The following PCDHA7 variants were observed in gnomAD, a reference collection of about 807,000 sequenced individuals.
The protein encoded by PCDHA7 is protocadherin alpha 7, also known as protocadherin alpha-7.
PCDHA7 carries 37 observed loss-of-function variants against 57.2 expected under a neutral mutation model. The ratio of observed to expected loss-of-function variants is 0.65; its 90% CI spans 0.50 to 0.85. The LOEUF (loss-of-function observed/expected upper bound fraction) is 0.85, where lower values mean the gene tolerates loss of function less well. PCDHA7 is among the 40% of genes least tolerant of loss of function. PCDHA7 has a pLI of 0.00. For synonymous variants in PCDHA7, 553 were observed against 558.8 expected, an observed-to-expected ratio of 0.99 and a Z score of 0.15; for missense variants, 1,188 against 1,241.8, an observed-to-expected ratio of 0.96 and a Z score of 0.65.
intron 1 of PCDHA7, among the ~76,000 whole-genome samples, chr5:140,918,873 C>A (rs774088807): frequency 2.0e-5 from 3 of 152,166 alleles, no homozygotes; most frequent in Non-Finnish European, 4.4e-5. Flanking sequence ...AACTTTCAAG[C>A]CTCTAGAACA....
Position 140,968,978 on chromosome 5 carries a change from G to T in PCDHA7, c.2356-9971G>T, listed in dbSNP as rs782147151. ...CAAGTGCTACCGCTACACTGCGTATGGCACTGCATGCTGTGGAGGCTTCTG... is the reference window on the plus strand; with the variant it reads ...CAAGTGCTACCGCTACACTGCGTATTGCACTGCATGCTGTGGAGGCTTCTG... On this transcript the variant is annotated intron_variant, in intron 1 of 3. Coordinates refer to ENST00000525929, the MANE Select transcript of PCDHA7 (RefSeq NM_018910.3). The T allele has an allele frequency of 8.7e-6, 14 of 1,614,212 alleles. No homozygotes were observed. Among genetic ancestry groups the T allele is most frequent in the Non-Finnish European group, 1.2e-5 (14 of 1,180,042 alleles).
chr5:141,004,094 G>C (rs962663466), intron 3 of PCDHA7, among the ~76,000 whole-genome samples: 1 of 152,194 alleles, frequency 6.6e-6, no homozygotes, highest in African/African-American at 2.4e-5. Flanking sequence ...TGCTTCTTCC[G>C]TTTTCATCTT....
At chr5:140,989,321 C>A (rs898791820) in intron 3 of PCDHA7, among the ~76,000 whole-genome samples, 6 of 152,178 alleles carry the variant, frequency 3.9e-5, no homozygotes, top group Non-Finnish European at 7.3e-5. Flanking sequence ...GTCTCACCAA[C>A]TTTGCCACCT....
rs373157192 is a variant in PCDHA7 at position 140,869,487 on chromosome 5, C to T, written c.2355+32749C>T. On this transcript the variant is annotated intron_variant, in intron 1 of 3. Transcript: ENST00000525929. ...ACGTGGAGGTGAAGGACATTAACGA[C>T]AACCCGCCGGTGTTCTCGCTCAGAG... The T allele has an allele frequency of 5.2e-5, 84 of 1,614,180 alleles. No homozygotes were observed. The African/African-American group carries it at 8.9e-4, about 17-fold the overall frequency.
chr5:140,901,020 C>G (rs528406801), intron 1 of PCDHA7, among the ~76,000 whole-genome samples: 2 of 152,262 alleles, frequency 1.3e-5, no homozygotes, highest in African/African-American at 4.8e-5. Flanking sequence ...TGAGAAACAT[C>G]TATTCAACTC....
intron 3 of PCDHA7, among the ~76,000 whole-genome samples, chr5:141,001,297 A>G (rs1367498675): frequency 1.3e-5 from 2 of 152,202 alleles, no homozygotes; most frequent in African/African-American, 2.4e-5. Context: ...ACTGAGGCCC[A>G]GAGATATGAA....
At chr5:140,929,459 G>A in intron 1 of PCDHA7, 1 of 1,350,080 alleles carries the variant, frequency 7.4e-7, no homozygotes. Flanking sequence ...CACTTCCTGT[G>A]CCAAGAAATC....
intron 3 of PCDHA7, among the ~76,000 whole-genome samples, chr5:140,984,528 T>C (rs1187541000): frequency 7.2e-5 from 11 of 152,216 alleles, no homozygotes; most frequent in African/African-American, 2.4e-4. Flanking sequence ...ACAGTCTTCA[T>C]GGACTGTGCT....
chr5:140,993,033 T>C (rs1315226376), intron 3 of PCDHA7, among the ~76,000 whole-genome samples: 2 of 152,158 alleles, frequency 1.3e-5, no homozygotes, highest in African/African-American at 4.8e-5. Context: ...GTGGGCTCCG[T>C]GTGTCATCAA....
intron 1 of PCDHA7, among the ~76,000 whole-genome samples, chr5:140,889,977 C>A (rs2062447126): frequency 6.6e-6 from 1 of 152,102 alleles, no homozygotes; most frequent in African/African-American, 2.4e-5. Flanking sequence ...ATCCAGTCTC[C>A]AGTTGTCTTA....
At chr5:140,939,766 C>T (rs58911992) in intron 1 of PCDHA7, among the ~76,000 whole-genome samples, 27,055 of 152,058 alleles carry the variant, frequency 0.18, 2,673 homozygotes, top group African/African-American at 0.26. Context: ...TATAGTATTT[C>T]AGGGTGTGAA....
At chr5:140,942,705 T>TA (rs1220612434) in intron 1 of PCDHA7, among the ~76,000 whole-genome samples, 1 of 152,100 alleles carries the variant, frequency 6.6e-6, no homozygotes, top group Non-Finnish European at 1.5e-5. Flanking sequence ...AAATATGAAG[T>TA]AAAAGTATGA....
intron 1 of PCDHA7, chr5:140,883,531 T>G: frequency 6.2e-7 from 1 of 1,614,210 alleles, no homozygotes; most frequent in Non-Finnish European, 8.5e-7. Flanking sequence ...TATCAGCCTA[T>G]GAACTGGTGG....
intron 1 of PCDHA7, chr5:140,927,923 C>G: frequency 1.2e-6 from 2 of 1,614,232 alleles, no homozygotes; most frequent in Non-Finnish European, 1.7e-6. Context: ...GACTTCCTGA[C>G]TCTTTCGAAC....
At chr5:140,903,500 G>C (rs553764100) in intron 1 of PCDHA7, among the ~76,000 whole-genome samples, 5 of 152,184 alleles carry the variant, frequency 3.3e-5, no homozygotes, top group Non-Finnish European at 7.3e-5. Flanking sequence ...AGGTACCATA[G>C]ATAATAGTTC....
intron 1 of PCDHA7, among the ~76,000 whole-genome samples, chr5:140,837,878 C>T (rs1554136685): frequency 6.6e-6 from 1 of 151,624 alleles, no homozygotes; most frequent in Non-Finnish European, 1.5e-5. Context: ...AGGGTGGAGT[C>T]TTGTTTCCCA....
At chr5:140,870,299 C>T (rs62622798) in intron 1 of PCDHA7, 44,120 of 1,614,102 alleles carry the variant, frequency 0.027, 770 homozygotes, top group Admixed American at 0.064. Flanking sequence ...CTGGTGTCCA[C>T]CTTCAAGAAT....
intron 1 of PCDHA7, chr5:140,968,357 C>T: frequency 6.2e-7 from 1 of 1,614,080 alleles, no homozygotes; most frequent in Non-Finnish European, 8.5e-7. Context: ...CAGTGGCAGC[C>T]TTTATGCTGT....
Position 140,929,060 on chromosome 5 carries a change from A to G in PCDHA7, c.2356-49889A>G, listed in dbSNP as rs782222884. 3 of 1,614,188 alleles carry G rather than the reference A, an allele frequency of 1.9e-6. No individual in the cohort carries two copies. In the South Asian group the frequency reaches 3.3e-5, roughly 18 times the overall value. On this transcript the variant is annotated intron_variant, in intron 1 of 3. Transcript: ENST00000525929. ...GCTCAGAGCTGCTGTCGCTCTACAGAGGATCTGAGGTATGGAAGTAAGATG... is the reference window on the plus strand; with the variant it reads ...GCTCAGAGCTGCTGTCGCTCTACAGGGGATCTGAGGTATGGAAGTAAGATG...
Sources: gnomAD v4.1 joint callset for allele counts (sites outside exome capture counted in the v4.1 genomes callset) on GRCh38, gnomAD v4.1.1 for gene constraint, MANE v1.5 for transcripts, NCBI Gene and HGNC (gene_info 2026-07-23, HGNC 2026-07-21) for gene names.